C1QTNF1: variants seen among roughly 807,000 people sequenced by gnomAD.
C1QTNF1 encodes the protein C1q and TNF related 1.
Under a neutral mutation model 27.8 loss-of-function variants are expected in C1QTNF1, and 22 were observed. The ratio of observed to expected loss-of-function variants is 0.79; its 90% CI spans 0.56 to 1.13. The LOEUF is 1.13. Ranked by LOEUF, C1QTNF1 falls within the 50% of genes most tolerant of loss-of-function variation. The pLI is 0.00. For missense variants in C1QTNF1, 373 were observed against 380.2 expected (o/e 0.98, Z 0.16); for synonymous variants, 166 against 154.3 (o/e 1.08, Z -0.56).
chr17:79,028,420 C>A (rs549321207), intron 1 of C1QTNF1, among the ~76,000 whole-genome samples: 3 of 152,206 alleles, frequency 2.0e-5, no homozygotes, highest in Admixed American at 1.3e-4. Flanking sequence ...GCGGGCAGGG[C>A]CCCCTGACTC....
intron 1 of C1QTNF1, among the ~76,000 whole-genome samples, chr17:79,039,387 C>G (rs7210503): frequency 6.6e-6 from 1 of 151,072 alleles, no homozygotes; most frequent in African/African-American, 2.4e-5. Flanking sequence ...CGGTGGCAAA[C>G]GCCCGTAATC....
At position 79,046,739 on chromosome 17, in the gene C1QTNF1, G is replaced by C. The variant is rs1460075894; in HGVS notation, c.295+45G>C. ...AAGCACGGGGTGGCCGGGCTGCTCTGTGCTGATCCGGAGGAAGGGATGGAG... is the reference window on the plus strand; with the variant it reads ...AAGCACGGGGTGGCCGGGCTGCTCTCTGCTGATCCGGAGGAAGGGATGGAG... On this transcript the variant is annotated intron_variant, in intron 3 of 3. Transcript: ENST00000579760. This position sits in a 1 kb window ranked among gnomAD's most constrained non-coding sequence, Gnocchi z 4.8. 2 of 1,610,172 alleles carry C rather than the reference G, an allele frequency of 1.2e-6. No individual in the cohort carries two copies. The highest frequency in any genetic ancestry group is 1.7e-6 in the Non-Finnish European group (2 of 1,177,388).
intron 3 of C1QTNF1, chr17:79,047,041 C>T: frequency 3.2e-6 from 1 of 309,204 alleles, no homozygotes; most frequent in Non-Finnish European, 6.0e-6. Context: ...TCTGAAATGC[C>T]ACCTGCTCGC....
chr17:79,044,554 T>C (rs73999397), intron 2 of C1QTNF1, among the ~76,000 whole-genome samples: 5,670 of 152,240 alleles, frequency 0.037, 282 homozygotes, highest in East Asian at 0.14. Flanking sequence ...CTGGTGTCCA[T>C]GGCCCACGCG....
upstream of C1QTNF1, among the ~76,000 whole-genome samples, chr17:79,023,868 C>T (rs996452408): frequency 2.6e-5 from 4 of 152,222 alleles, no homozygotes; most frequent in East Asian, 1.9e-4. Context: ...CAGCGGATCC[C>T]GGAGGCCTTG....
chr17:79,024,929 T>G (rs2071891845), intron 1 of C1QTNF1: 1 of 152,570 alleles, frequency 6.6e-6, no homozygotes, highest in East Asian at 1.9e-4. Flanking sequence ...CTCACCCCAC[T>G]CCTTATCACT....
chr17:79,037,769 G>C (rs931612898), intron 1 of C1QTNF1, among the ~76,000 whole-genome samples: 1 of 151,890 alleles, frequency 6.6e-6, no homozygotes, highest in African/African-American at 2.4e-5. Context: ...CCTGGACTCA[G>C]GTGATCCTCC....
chr17:79,031,185 T>G (rs2072132264), intron 1 of C1QTNF1, among the ~76,000 whole-genome samples: 3 of 151,044 alleles, frequency 2.0e-5, no homozygotes, highest in Non-Finnish European at 4.4e-5. Context: ...TTTTGTATTT[T>G]TAGTAGAGAC....
chr17:79,048,319 C>G lies in C1QTNF1; in HGVS notation c.*231C>G. ...GGCACCCGCGAGAACCCTCTGGGACCTTCCGCGGCCCTCTCTGCACACATC... is the reference window on the plus strand; with the variant it reads ...GGCACCCGCGAGAACCCTCTGGGACGTTCCGCGGCCCTCTCTGCACACATC... On this transcript the variant is annotated 3_prime_UTR_variant, in exon 4 of 4. Transcript: ENST00000579760. 1.9e-6 allele frequency: 1 copy of G among 521,118 alleles called. No homozygotes were observed. Among genetic ancestry groups the G allele is most frequent in the East Asian group, 3.2e-5 (1 of 31,484 alleles). 32.3% of individuals were successfully genotyped at this position (521,118 alleles called of 1,614,324 possible).
At position 79,048,065 on chromosome 17, in the gene C1QTNF1, G is replaced by C. The variant is rs764689983; in HGVS notation, c.823G>C (p.Val275Leu). Reference sequence around the variant, plus strand: ...CTACATCACCTTCAGTGGCTACCTGGTCAAGCACGCCACCGAGCCCTAGCT... The same window carrying C: ...CTACATCACCTTCAGTGGCTACCTGCTCAAGCACGCCACCGAGCCCTAGCT... Reference protein sequence around the residue: ...DTYITFSGYLVKHATEP With the variant: ...DTYITFSGYLLKHATEP The change falls in exon 4 of 4, where the codon GTC becomes CTC. Residue 275 changes from valine (V) to leucine (L), a missense_variant. Coordinates refer to ENST00000579760, the MANE Select transcript of C1QTNF1 (RefSeq NM_030968.5). 1 of 1,573,134 alleles carries C rather than the reference G, an allele frequency of 6.4e-7. No individual in the cohort carries two copies.
rs1211178394 is a variant in C1QTNF1 at position 79,049,398 on chromosome 17, C to G, written c.*1310C>G. ...AATAGCCCCTGTGGCAATTGCAGGA[C>G]CAGCTGGAGCAGGGTTGCGGTGTCT... On this transcript the variant is annotated 3_prime_UTR_variant, in exon 4 of 4. Transcript: ENST00000579760. The surrounding 1 kb of genome is among the most constrained non-coding windows in gnomAD (Gnocchi z 4.4). 1.3e-5 allele frequency: 2 copies of G among 152,340 alleles called. No individual in the cohort carries two copies. The highest frequency in any genetic ancestry group is 2.9e-5 in the Non-Finnish European group (2 of 68,154). The allele number at this position is 152,340 out of a possible 1,614,324, so 9.4% of individuals were successfully genotyped here. A position where few individuals can be genotyped will look rare whatever the true frequency, so the allele number is the denominator to read the frequency against.
At chr17:79,044,498 C>G (rs1450721958) in intron 2 of C1QTNF1, among the ~76,000 whole-genome samples, 1 of 152,168 alleles carries the variant, frequency 6.6e-6, no homozygotes, top group Admixed American at 6.5e-5. Flanking sequence ...CACTTGGAGG[C>G]AGGGAGAAGT....
chr17:79,047,380 G>T (rs566714681), intron 3 of C1QTNF1, among the ~76,000 whole-genome samples, 158 bp from the exon 4 acceptor site: 13 of 152,204 alleles, frequency 8.5e-5, no homozygotes, highest in Admixed American at 3.9e-4. Context: ...CTGGGACGCC[G>T]CCCGTGGCAG....
At chr17:79,043,306 CAT>C (rs1392225133) in intron 1 of C1QTNF1, 1 of 447,316 alleles carries the variant, frequency 2.2e-6, no homozygotes, top group Non-Finnish European at 4.4e-6. Context: ...GGTATGTGTG[CAT>C]GTGAGTTGTG....
chr17:79,044,973 C>T (rs569106432), intron 2 of C1QTNF1, among the ~76,000 whole-genome samples: 12 of 152,268 alleles, frequency 7.9e-5, no homozygotes, highest in South Asian at 2.1e-4. Flanking sequence ...CCCCCAGGCA[C>T]GGGGGGACAC....
chr17:79,048,383 G>C lies in C1QTNF1; in HGVS notation c.*295G>C. 1 of 352,680 alleles carries C rather than the reference G, an allele frequency of 2.8e-6. No homozygotes were observed. 21.8% of individuals were successfully genotyped at this position (352,680 alleles called of 1,614,324 possible). The stretch of plus-strand genomic sequence containing the variant: ...GCACGGCGAGACGCGGGTGGCGGCA[G>C]GGCGTCCCAGGGTGCGGCACCGCGG... On this transcript the variant is annotated 3_prime_UTR_variant, in exon 4 of 4. Transcript: ENST00000579760.
At chr17:79,047,178 G>T in intron 3 of C1QTNF1, 1 of 273,264 alleles carries the variant, frequency 3.7e-6, no homozygotes, top group Non-Finnish European at 6.8e-6. Flanking sequence ...CCGTCGGTCT[G>T]GCCGCAGAGC....
At chr17:79,027,112 C>T (rs2071990003) in intron 1 of C1QTNF1, among the ~76,000 whole-genome samples, 1 of 151,548 alleles carries the variant, frequency 6.6e-6, no homozygotes, top group Non-Finnish European at 1.5e-5. Flanking sequence ...GCTCCAGAAC[C>T]TTAGGGAAGG....
intron 1 of C1QTNF1, chr17:79,027,606 G>T (rs2072005363): frequency 6.6e-6 from 1 of 152,296 alleles, no homozygotes; most frequent in Non-Finnish European, 1.5e-5. Context: ...TCCTTCCCGA[G>T]CCCCGCAGTG....
Sources: gnomAD v4.1 joint callset for allele counts (sites outside exome capture counted in the v4.1 genomes callset) on GRCh38, gnomAD v4.1.1 for gene constraint, Gnocchi (gnomAD v3.1) non-coding constraint, MANE v1.5 for transcripts, NCBI Gene and HGNC (gene_info 2026-07-23, HGNC 2026-07-21) for gene names.